Variants in MATN3 observed in about 807,000 individuals in gnomAD.
MATN3 encodes matrilin-3.
MATN3 carries 48 observed loss-of-function variants against 45.3 expected under a neutral mutation model. That is an observed-to-expected ratio of 1.06 (90% CI 0.84 to 1.35). The LOEUF (loss-of-function observed/expected upper bound fraction) is 1.35. Ranked by LOEUF, MATN3 falls within the 40% of genes most tolerant of loss-of-function variation. The probability of loss-of-function intolerance (pLI) is 0.00; values close to 1 mark genes in which losing one functional copy is unlikely to be tolerated. For synonymous variants in MATN3, 217 were observed against 245.9 expected (o/e 0.88, Z 1.10); for missense variants, 599 against 628.0 (o/e 0.95, Z 0.49).
At chr2:20,000,801 GT>G (rs918777013) in intron 4 of MATN3, among the ~76,000 whole-genome samples, 1 of 152,176 alleles carries the variant, frequency 6.6e-6, no homozygotes, top group African/African-American at 2.4e-5. Context: ...TCAGTATTGA[GT>G]TTTTATAACC....
chr2:20,010,723 C>T (rs1572388183), intron 1 of MATN3, among the ~76,000 whole-genome samples: 2 of 152,190 alleles, frequency 1.3e-5, no homozygotes, highest in South Asian at 4.1e-4. Flanking sequence ...ACAGCCCTGC[C>T]GACACCTTCA....
At chr2:19,998,682 G>C (rs1672925646) in intron 5 of MATN3, among the ~76,000 whole-genome samples, 1 of 152,006 alleles carries the variant, frequency 6.6e-6, no homozygotes, top group Admixed American at 6.5e-5. Flanking sequence ...ACTTGAGCCC[G>C]GGAGGTAGAG....
chr2:20,007,599 C>G (rs1231982042), intron 1 of MATN3, among the ~76,000 whole-genome samples: 1 of 152,206 alleles, frequency 6.6e-6, no homozygotes, highest in Non-Finnish European at 1.5e-5. Flanking sequence ...GCTTCATGAG[C>G]ATGTCTCGTA....
intron 5 of MATN3, 143 bp from the exon 6 acceptor site, chr2:19,997,402 G>C (rs1672897472): frequency 1.4e-6 from 1 of 738,752 alleles, no homozygotes; most frequent in East Asian, 2.9e-5. Flanking sequence ...GCCCCATGCT[G>C]CAGGAGCAAG....
rs1247085339 is a variant in MATN3, at chr2:20,010,064, T to TCCAAAAAAAAAAAAAAAAAAAA, written c.223+2344_223+2345insTTTTTTTTTTTTTTTTTTTTGG. 2.3e-3 allele frequency among the ~76,000 whole-genome samples: 25 copies of TCCAAAAAAAAAAAAAAAAAAAA among 10,748 alleles called. 1 individual carries two copies. The highest frequency in any genetic ancestry group is 0.011 in the South Asian group (2 of 190). 7.1% of individuals were successfully genotyped at this position (10,748 alleles called of 152,430 possible). A position where few individuals can be genotyped will look rare whatever the true frequency, so the allele number is the denominator to read the frequency against. ...TTGTCTCAGAATAAATCTCTTCAAA[T>TCCAAAAAAAAAAAAAAAAAAAA]ACTAAAAAAAAAAAAAAAAAAAAAA... On this transcript the variant is annotated intron_variant, in intron 1 of 7. Transcript: ENST00000407540.
intron 3 of MATN3, 85 bp from the exon 4 acceptor site, chr2:20,002,165 C>CACAT: frequency 1.4e-6 from 1 of 739,758 alleles, no homozygotes. Flanking sequence ...CAGTTATACA[C>CACAT]ACACACACAC....
chr2:20,010,070 A>AAAAAAAAAAAAAAAAAAAAAAAAAAAC (rs1673190120), intron 1 of MATN3, among the ~76,000 whole-genome samples: 1 of 76,850 alleles, frequency 1.3e-5, no homozygotes, highest in Non-Finnish European at 3.7e-5. Context: ...CAAATACTAA[A>AAAAAAAAAAAAAAAAAAAAAAAAAAAC]AAAAAAAAAA....
intron 1 of MATN3, among the ~76,000 whole-genome samples, chr2:20,007,492 G>A (rs1222601059): frequency 2.0e-5 from 3 of 151,434 alleles, no homozygotes; most frequent in African/African-American, 7.3e-5. Context: ...TCCTGCCATT[G>A]CACTCCAGCC....
Position 20,002,085 on chromosome 2 carries a change from C to G in MATN3, c.917-5G>C. The G allele has an allele frequency of 6.2e-7, 1 of 1,609,342 alleles. No homozygotes were observed. Among genetic ancestry groups the G allele is most frequent in the Non-Finnish European group, 8.5e-7 (1 of 1,177,990 alleles). Reference sequence around the variant, plus strand: ...TAAGAGCACACCTATCAAGAGCTATCAAAAGATGATTGGGACAAATGTAAA... The same window carrying G: ...TAAGAGCACACCTATCAAGAGCTATGAAAAGATGATTGGGACAAATGTAAA... On this transcript the variant is annotated splice_region_variant and splice_polypyrimidine_tract_variant and intron_variant, in intron 3 of 7. Coordinates refer to ENST00000407540, the MANE Select transcript of MATN3 (RefSeq NM_002381.5).
chr2:19,997,332 A>G, intron 5 of MATN3, 73 bp from the exon 6 acceptor site: 1 of 1,464,152 alleles, frequency 6.8e-7, no homozygotes, highest in East Asian at 2.5e-5. Flanking sequence ...GTTTGAGAGG[A>G]GAAGCTTCCA....
chr2:20,012,662 C>T lies in MATN3; in HGVS notation c.-31G>A. On this transcript the variant is annotated 5_prime_UTR_variant, in exon 1 of 8. Coordinates refer to ENST00000407540, the MANE Select transcript of MATN3 (RefSeq NM_002381.5). The surrounding 1 kb of genome is among the most constrained non-coding windows in gnomAD (Gnocchi z 4.3). ...GCTCCGTGGGCCTGGTGGTGTCCGT[C>T]GGGGGCCAGGAGCCCACGCGAGGCT... 3 of 1,098,094 alleles carry T rather than the reference C, an allele frequency of 2.7e-6. No individual in the cohort carries two copies. The highest frequency in any genetic ancestry group is 3.4e-6 in the Non-Finnish European group (3 of 871,584). The allele number at this position is 1,098,094 out of a possible 1,614,324, so 68.0% of individuals were successfully genotyped here.
At chr2:20,011,696 G>A (rs1673222451) in intron 1 of MATN3, among the ~76,000 whole-genome samples, 2 of 152,150 alleles carry the variant, frequency 1.3e-5, no homozygotes, top group South Asian at 2.1e-4. Flanking sequence ...TTGGGATTTC[G>A]GAGCCCTGAA....
rs201458413 is a variant in MATN3 at position 20,000,526 on chromosome 2, G to T, written c.1083C>A (p.His361Gln). 1.5e-4 allele frequency: 245 copies of T among 1,612,238 alleles called. No homozygotes were observed. In the African/African-American group the frequency reaches 2.9e-3, roughly 19 times the overall value. ...KCALGTHGCQ[H>Q]ICVNDRTGSH... ...ACCCTGTTCTGTCATTCACACAAAT[G>T]TGCTGACACCCATGGGTACCCAAAG... is the stretch of plus-strand genomic sequence containing the variant. Residue 361 changes from histidine (H) to glutamine (Q), a missense_variant, in exon 5 of 8, where the codon CAC (histidine) becomes CAA (glutamine). By Grantham distance (24) the His-to-Gln change is conservative. Transcript: ENST00000407540.
In MATN3 at chr2:20,012,489, G is replaced by A. The variant is rs1673237738; in HGVS notation, c.143C>T (p.Pro48Leu). 1 of 1,229,286 alleles carries A rather than the reference G, an allele frequency of 8.1e-7. No homozygotes were observed. Among genetic ancestry groups the A allele is most frequent in the Non-Finnish European group, 1.0e-6 (1 of 986,642 alleles). The allele number at this position is 1,229,286 out of a possible 1,614,324, so 76.1% of individuals were successfully genotyped here. A position where few individuals can be genotyped will look rare whatever the true frequency, so the allele number is the denominator to read the frequency against. ...RLETRGPGGSPGRRPSPAAPD... is the reference protein window; with the variant it reads ...RLETRGPGGSLGRRPSPAAPD... ...AGCCGCAGGAGAGGGGCGGCGTCCAGGGCTGCCCCCGGGACCTCGGGTCTC... is the reference window on the plus strand; with the variant it reads ...AGCCGCAGGAGAGGGGCGGCGTCCAAGGCTGCCCCCGGGACCTCGGGTCTC... Residue 48 changes from proline (P) to leucine (L), a missense_variant, in exon 1 of 8, where the codon CCT (proline) becomes CTT (leucine). Coordinates refer to ENST00000407540, the MANE Select transcript of MATN3 (RefSeq NM_002381.5). This position sits in a 1 kb window ranked among gnomAD's most constrained non-coding sequence, Gnocchi z 4.3.
At chr2:19,999,916 A>G (rs1453431846) in intron 5 of MATN3, among the ~76,000 whole-genome samples, 3 of 152,198 alleles carry the variant, frequency 2.0e-5, no homozygotes, top group Non-Finnish European at 4.4e-5. Flanking sequence ...AGTTTCACCA[A>G]TGATTGATCG....
At chr2:20,007,873 C>T (rs1673140537) in intron 1 of MATN3, among the ~76,000 whole-genome samples, 1 of 152,168 alleles carries the variant, frequency 6.6e-6, no homozygotes, top group African/African-American at 2.4e-5. Context: ...TTCCTGTTTC[C>T]CCCAACCCCT....
At chr2:19,999,747 T>C (rs1672949363) in intron 5 of MATN3, among the ~76,000 whole-genome samples, 1 of 151,914 alleles carries the variant, frequency 6.6e-6, no homozygotes, top group South Asian at 2.1e-4. Context: ...CTAAAACACA[T>C]TCAATATGCC....
In MATN3 at chr2:20,002,063, G is replaced by A. The variant is rs1419976521; in HGVS notation, c.934C>T (p.Leu312Phe). The A allele has an allele frequency of 6.2e-7, 1 of 1,613,130 alleles. No homozygotes were observed. The highest frequency in any genetic ancestry group is 1.1e-5 in the South Asian group (1 of 90,956). ...KTCSALDRCA[L>F]NTHGCEHICV... is the part of the protein sequence containing the mutation. ...ATGTGCTCACATCCGTGGGTGTTAA[G>A]AGCACACCTATCAAGAGCTATCAAA... The change falls in exon 4 of 8, where the codon CTT (leucine) becomes TTT (phenylalanine). Residue 312 changes from leucine (L) to phenylalanine (F), a missense_variant. Transcript: ENST00000407540.
chr2:20,012,641 C>T lies in MATN3; in HGVS notation c.-10G>A. Reference sequence around the variant, plus strand: ...GGGCCGGGCGCGGCATGGTGGGCTCCGTGGGCCTGGTGGTGTCCGTCGGGG... The same window carrying T: ...GGGCCGGGCGCGGCATGGTGGGCTCTGTGGGCCTGGTGGTGTCCGTCGGGG... On this transcript the variant is annotated 5_prime_UTR_variant, in exon 1 of 8. Coordinates refer to ENST00000407540, the MANE Select transcript of MATN3 (RefSeq NM_002381.5). This position sits in a 1 kb window ranked among gnomAD's most constrained non-coding sequence, Gnocchi z 4.3. The T allele has an allele frequency of 8.4e-7, 1 of 1,193,418 alleles. No individual in the cohort carries two copies. 73.9% of individuals were successfully genotyped at this position (1,193,418 alleles called of 1,614,324 possible).
Sources: allele counts gnomAD v4.1 joint callset (sites outside exome capture counted in the v4.1 genomes callset), GRCh38; gene constraint gnomAD v4.1.1; non-coding constraint Gnocchi (gnomAD v3.1); transcripts MANE v1.5; gene names NCBI Gene and HGNC (gene_info 2026-07-23, HGNC 2026-07-21).